SOX5: variants seen among roughly 807,000 people sequenced by gnomAD.
The protein encoded by SOX5 is SRY-box transcription factor 5, also known as transcription factor SOX-5.
A neutral mutation model predicts 92.0 loss-of-function variants in SOX5; 9 were observed. That is an observed-to-expected ratio of 0.10 (90% CI 0.06 to 0.17). The LOEUF (loss-of-function observed/expected upper bound fraction) is 0.17. Ranked by LOEUF, SOX5 falls within the 10% of genes least tolerant of loss-of-function variation. The pLI is 1.00. For synonymous variants in SOX5, 344 were observed against 336.3 expected (o/e 1.02, Z -0.25); for missense variants, 642 against 944.5 (o/e 0.68, Z 4.20).
intron 6 of SOX5, among the ~76,000 whole-genome samples, chr12:23,703,635 T>C (rs1238532861): frequency 1.3e-5 from 2 of 151,886 alleles, no homozygotes; most frequent in African/African-American, 4.8e-5. Flanking sequence ...ATTCAGTACA[T>C]ATTTGGACAG....
chr12:23,692,321 CA>C (rs2088983195), intron 6 of SOX5, among the ~76,000 whole-genome samples: 1 of 151,764 alleles, frequency 6.6e-6, no homozygotes, highest in Admixed American at 6.6e-5. Context: ...CCTGTAATCC[CA>C]GCTACTCGGG....
intron 4 of SOX5, among the ~76,000 whole-genome samples, chr12:24,099,375 G>A (rs559972350): frequency 6.6e-6 from 1 of 152,290 alleles, no homozygotes; most frequent in East Asian, 1.9e-4. Context: ...GTCAGAGAGA[G>A]GAACTGCACT....
chr12:24,082,785 T>A (rs1295287302), intron 4 of SOX5, among the ~76,000 whole-genome samples: 1 of 151,944 alleles, frequency 6.6e-6, no homozygotes. Context: ...CAGGTCATAG[T>A]TATCTTTGCT....
chr12:24,035,418 C>A (rs1458317553), intron 4 of SOX5, among the ~76,000 whole-genome samples: 1 of 152,038 alleles, frequency 6.6e-6, no homozygotes, highest in Non-Finnish European at 1.5e-5. Context: ...AATTCAAAAT[C>A]AGAAATAAAA....
At chr12:24,211,639 A>G (rs908885778) in intron 4 of SOX5, among the ~76,000 whole-genome samples, 8 of 152,232 alleles carry the variant, frequency 5.3e-5, no homozygotes, top group Admixed American at 4.6e-4. Context: ...ATACAGAATG[A>G]TTTGTGTTCC....
chr12:24,431,909 C>T (rs1479062027), intron 1 of SOX5, among the ~76,000 whole-genome samples: 5 of 152,104 alleles, frequency 3.3e-5, no homozygotes, highest in South Asian at 2.1e-4. Context: ...GATGACAGTA[C>T]ACAAGCTGAG....
intron 4 of SOX5, among the ~76,000 whole-genome samples, chr12:24,162,005 A>C (rs926223604): frequency 6.6e-6 from 1 of 152,104 alleles, no homozygotes; most frequent in Non-Finnish European, 1.5e-5. Context: ...GGTAAGGAGA[A>C]TTCTGGGCAA....
intron 7 of SOX5, among the ~76,000 whole-genome samples, chr12:23,662,503 T>C (rs1566808117): frequency 6.6e-6 from 1 of 152,220 alleles, no homozygotes; most frequent in Non-Finnish European, 1.5e-5. Context: ...TTATATTGTT[T>C]AAATGATATA....
At chr12:23,962,048 G>C (rs777132268) in intron 4 of SOX5, among the ~76,000 whole-genome samples, 8 of 152,154 alleles carry the variant, frequency 5.3e-5, no homozygotes, top group Non-Finnish European at 1.2e-4. Context: ...TTCACATAAT[G>C]GTAGAGCATC....
At chr12:24,183,467 G>C (rs1955711773) in intron 4 of SOX5, among the ~76,000 whole-genome samples, 1 of 152,094 alleles carries the variant, frequency 6.6e-6, no homozygotes, top group Non-Finnish European at 1.5e-5. Context: ...ATAAGGAATA[G>C]AACTAAGCTG....
intron 1 of SOX5, among the ~76,000 whole-genome samples, chr12:24,498,390 G>C (rs917324060): frequency 1.3e-5 from 2 of 152,084 alleles, no homozygotes; most frequent in African/African-American, 4.8e-5. Context: ...CATGCACTAA[G>C]ACCCTTTGCT....
At chr12:23,885,840 GAA>G (rs67513307) in intron 2 of SOX5, among the ~76,000 whole-genome samples, 4 of 150,916 alleles carry the variant, frequency 2.7e-5, no homozygotes, top group Non-Finnish European at 5.9e-5. Context: ...AAATACAGGG[GAA>G]AAAAAATTGC....
rs377055059 is a variant in SOX5, at chr12:23,810,246, A to AT, written c.481+35736dup. On this transcript the variant is annotated intron_variant, in intron 3 of 14. Transcript: ENST00000451604. ...TTATGTAACACACGACAGAATATAG[A>AT]TAAGTGTGGCATGCAGCACACGGTT... 4.3e-3 allele frequency among the ~76,000 whole-genome samples: 658 copies of AT among 152,322 alleles called. 4 individuals are homozygous for AT. The highest frequency in any genetic ancestry group is 0.015 in the African/African-American group (611 of 41,572).
chr12:23,672,833 T>C (rs2085014756), intron 6 of SOX5, among the ~76,000 whole-genome samples: 1 of 152,182 alleles, frequency 6.6e-6, no homozygotes, highest in Non-Finnish European at 1.5e-5. Context: ...TTTAACACAA[T>C]AAAATTTCAT....
chr12:24,087,768 CA>C (rs1415531176), intron 4 of SOX5, among the ~76,000 whole-genome samples: 1 of 133,070 alleles, frequency 7.5e-6, no homozygotes, highest in Admixed American at 7.9e-5. Flanking sequence ...GATTGTTAAA[CA>C]TTTTTTTTTT....
chr12:24,154,901 TATA>T (rs960224959), intron 4 of SOX5, among the ~76,000 whole-genome samples: 30 of 152,050 alleles, frequency 2.0e-4, no homozygotes, highest in African/African-American at 6.3e-4. Flanking sequence ...ATTAAAAAAT[TATA>T]AAACTTGTCA....
At chr12:24,479,673 T>TTC (rs1438561421) in intron 1 of SOX5, among the ~76,000 whole-genome samples, 2 of 151,994 alleles carry the variant, frequency 1.3e-5, no homozygotes, top group Admixed American at 6.6e-5. Flanking sequence ...TCATTTTTTT[T>TTC]TTGGTGTGGG....
chr12:23,863,647 T>C (rs1236902102), intron 2 of SOX5, among the ~76,000 whole-genome samples: 1 of 152,204 alleles, frequency 6.6e-6, no homozygotes, highest in African/African-American at 2.4e-5. Flanking sequence ...TCTGATACTC[T>C]AGTTTGGTTT....
rs571301598 is a variant in SOX5, at chr12:24,075,443, A to T, written c.-2+137900T>A. On this transcript the variant is annotated intron_variant, in intron 4 of 4. Transcript: ENST00000446891. ...AAGTATAAGAAATCCTATTCTTATT[A>T]GATAGCTATGACCTACATTATCTGG... Among the ~76,000 whole-genome samples, 25 of 152,254 alleles carry T rather than the reference A, an allele frequency of 1.6e-4. No homozygotes were observed. In the South Asian group the frequency reaches 5.0e-3, roughly 30 times the overall value.
Sources: allele counts gnomAD v4.1 joint callset (sites outside exome capture counted in the v4.1 genomes callset), GRCh38; gene constraint gnomAD v4.1.1; transcripts MANE v1.5; gene names NCBI Gene and HGNC (gene_info 2026-07-23, HGNC 2026-07-21).